IGDCC3: variants seen among roughly 807,000 people sequenced by gnomAD.
The protein encoded by IGDCC3 is immunoglobulin superfamily DCC subclass member 3.
In IGDCC3, 47 loss-of-function variants were observed where a neutral mutation model predicts 72.0. The ratio of observed to expected loss-of-function variants is 0.65; its 90% CI spans 0.52 to 0.83. The LOEUF is 0.83. Ranked by LOEUF, IGDCC3 falls within the 40% of genes least tolerant of loss-of-function variation. The pLI is 0.00. For missense variants in IGDCC3, 1,038 were observed against 1,091.3 expected (o/e 0.95, Z 0.69); for synonymous variants, 477 against 472.8 (o/e 1.01, Z -0.11).
Position 65,369,219 on chromosome 15 carries a change from C to A in IGDCC3, c.409+5878G>T, listed in dbSNP as rs11858296. ...AGGCAGAAATAGACTTGGAGGAGGC[C>A]CAGGGGAGGCAGGCACGTCTTGAAG... On this transcript the variant is annotated intron_variant, in intron 2 of 13. Transcript: ENST00000327987. Among the ~76,000 whole-genome samples the A allele has an allele frequency of 5.0e-3, 761 of 152,066 alleles. 11 individuals carry two copies. Among genetic ancestry groups the A allele is most frequent in the African/African-American group, 0.017 (699 of 41,454 alleles).
At chr15:65,334,652 G>A in intron 5 of IGDCC3, 76 bp downstream of exon 5, 1 of 1,272,244 alleles carries the variant, frequency 7.9e-7, no homozygotes, top group Non-Finnish European at 1.1e-6. Flanking sequence ...CTGGAGCTGG[G>A]TGAGGAGTCT....
intron 2 of IGDCC3, among the ~76,000 whole-genome samples, chr15:65,363,224 G>A (rs2091272014): frequency 6.6e-6 from 1 of 152,166 alleles, no homozygotes; most frequent in East Asian, 1.9e-4. Context: ...GTGGAAAGGG[G>A]TTAGGTTGGG....
At chr15:65,370,614 GTA>G (rs1241361752) in intron 2 of IGDCC3, among the ~76,000 whole-genome samples, 5 of 51,720 alleles carry the variant, frequency 9.7e-5, no homozygotes, top group East Asian at 8.5e-4. Flanking sequence ...GTATATATAT[GTA>G]TGTGTATATA....
In IGDCC3 at chr15:65,334,771, G is replaced by A. The variant is rs764957108; in HGVS notation, c.780C>T (p.Val260=). 9.3e-6 allele frequency: 15 copies of A among 1,605,756 alleles called. No individual in the cohort carries two copies. Among genetic ancestry groups the A allele is most frequent in the Admixed American group, 3.4e-5 (2 of 59,028 alleles). Residue 260 remains valine (V), a synonymous_variant, in exon 5 of 14, where the codon GTC becomes GTT. Transcript: ENST00000327987. ...TVHQTAVLEC[V]ATGNPRPIVS... ...CAATGGGGCGCGGGTTGCCCGTGGCGACACACTCAAGCACCGCGGTCTGGT... is the reference window on the plus strand; with the variant it reads ...CAATGGGGCGCGGGTTGCCCGTGGCAACACACTCAAGCACCGCGGTCTGGT...
intron 2 of IGDCC3, among the ~76,000 whole-genome samples, chr15:65,338,350 A>G (rs1280264361): frequency 6.6e-6 from 1 of 152,212 alleles, no homozygotes; most frequent in Non-Finnish European, 1.5e-5. Context: ...AAAACCATGA[A>G]TCTGAAGCTA....
At chr15:65,343,429 C>T (rs1009125184) in intron 2 of IGDCC3, among the ~76,000 whole-genome samples, 3 of 148,704 alleles carry the variant, frequency 2.0e-5, no homozygotes, top group Admixed American at 1.3e-4. Context: ...GTTGCGGGGG[C>T]GAGCAGCAGG....
At chr15:65,360,782 T>G (rs771188182) in intron 2 of IGDCC3, among the ~76,000 whole-genome samples, 9 of 152,140 alleles carry the variant, frequency 5.9e-5, no homozygotes, top group African/African-American at 2.2e-4. Flanking sequence ...TTTCTTTCTT[T>G]TCTTTTTTTC....
intron 3 of IGDCC3, 90 bp downstream of exon 3, chr15:65,335,722 A>T: frequency 6.9e-7 from 1 of 1,455,420 alleles, no homozygotes; most frequent in South Asian, 1.2e-5. Flanking sequence ...CACCAACTGC[A>T]GCTCCCAGAG....
intron 2 of IGDCC3, among the ~76,000 whole-genome samples, chr15:65,342,352 C>T (rs2140147688): frequency 6.6e-6 from 1 of 151,552 alleles, no homozygotes; most frequent in South Asian, 2.1e-4. Flanking sequence ...CGCCATTGCA[C>T]TCCAGCCTGG....
intron 2 of IGDCC3, among the ~76,000 whole-genome samples, chr15:65,356,848 C>CTTGTTTTTTTTTTT (rs2091225036): frequency 1.4e-5 from 1 of 70,898 alleles, no homozygotes; most frequent in Non-Finnish European, 2.6e-5. Flanking sequence ...AATGGACCTG[C>CTTGTTTTTTTTTTT]TTTTTTTTTT....
intron 2 of IGDCC3, among the ~76,000 whole-genome samples, chr15:65,340,507 C>G (rs1463454694): frequency 6.6e-6 from 1 of 152,214 alleles, no homozygotes; most frequent in Non-Finnish European, 1.5e-5. Context: ...AGAGGGGCAG[C>G]TGTGAACCAC....
chr15:65,330,232 C>G (rs2090963806), intron 11 of IGDCC3, 61 bp downstream of exon 11: 4 of 1,216,566 alleles, frequency 3.3e-6, no homozygotes, highest in Non-Finnish European at 4.8e-6. Context: ...CATGCTATCT[C>G]ACCCCATTAC....
chr15:65,330,715 G>T lies in IGDCC3; in HGVS notation c.1588C>A (p.Arg530=), dbSNP rs143782720. ...TGCAAGGAGGAGCTGCCCAGGACTC[G>T]CACTGACAGTGGGGGTGGGGCAGGG... The part of the protein sequence containing the change: ...EAPAPPPLSV[R]VLGSSSLQLL... Residue 530 remains arginine, a synonymous_variant, in exon 10 of 14, where the codon CGA becomes AGA. Transcript: ENST00000327987. 1 of 1,611,328 alleles carries T rather than the reference G, an allele frequency of 6.2e-7. No individual in the cohort carries two copies. The highest frequency in any genetic ancestry group is 1.7e-5 in the Admixed American group (1 of 59,524).
intron 2 of IGDCC3, chr15:65,355,678 C>CCCCAAA: frequency 3.3e-6 from 1 of 299,226 alleles, no homozygotes; most frequent in Non-Finnish European, 7.1e-6. Context: ...GCCCCTCCCG[C>CCCCAAA]ATAGCAATAG....
chr15:65,346,702 G>A (rs980373264), intron 2 of IGDCC3, among the ~76,000 whole-genome samples: 3 of 151,956 alleles, frequency 2.0e-5, no homozygotes, highest in Non-Finnish European at 4.4e-5. Flanking sequence ...CAGGTGATCC[G>A]CCTGCCTCGG....
chr15:65,366,207 C>CAAAAAAAA (rs35152855), intron 2 of IGDCC3, among the ~76,000 whole-genome samples: 2 of 76,780 alleles, frequency 2.6e-5, no homozygotes, highest in Non-Finnish European at 5.4e-5. Context: ...GACATTGTCT[C>CAAAAAAAA]AAAAAAAAAA....
In IGDCC3 at chr15:65,329,419, C is replaced by A. The variant is rs765853242; in HGVS notation, c.2176G>T (p.Ala726Ser). The change falls in exon 13 of 14, where the codon GCA becomes TCA. Residue 726 changes from alanine to serine, a missense_variant. Coordinates refer to ENST00000327987, the MANE Select transcript of IGDCC3 (RefSeq NM_004884.4). The surrounding 1 kb of genome is among the most constrained non-coding windows in gnomAD (Gnocchi z 4.1). ...GGTCTGGGGTCCGGCTGCCCTGCTG[C>A]GCTGGCCGGGGGGAACAGCTGCTCC... ...ELEQLFPPASAAGQPDPRPTQ... is the reference protein window; with the variant it reads ...ELEQLFPPASSAGQPDPRPTQ... 3.1e-6 allele frequency: 5 copies of A among 1,599,246 alleles called. No homozygotes were observed. In the South Asian group the frequency reaches 3.4e-5, roughly 11 times the overall value.
intron 2 of IGDCC3, among the ~76,000 whole-genome samples, chr15:65,338,649 T>A (rs1056012887): frequency 6.6e-6 from 1 of 152,182 alleles, no homozygotes; most frequent in Non-Finnish European, 1.5e-5. Context: ...CCCTTCCTTA[T>A]ACCCTCTCTC....
chr15:65,355,336 C>G lies in IGDCC3; in HGVS notation c.410-19380G>C, dbSNP rs548000926. Among the ~76,000 whole-genome samples, 317 of 152,306 alleles carry G rather than the reference C, an allele frequency of 2.1e-3. 2 individuals are homozygous for G. The highest frequency in any genetic ancestry group is 6.8e-3 in the African/African-American group (283 of 41,582). ...TTGTGTCAGACTCCCATCCCCCCCG[C>G]TCTTCTCCCTCCTTCCCCGCTCTGC... On this transcript the variant is annotated intron_variant, in intron 2 of 13. Coordinates refer to ENST00000327987, the MANE Select transcript of IGDCC3 (RefSeq NM_004884.4).
Sources: allele counts gnomAD v4.1 joint callset (sites outside exome capture counted in the v4.1 genomes callset), GRCh38; gene constraint gnomAD v4.1.1; non-coding constraint Gnocchi (gnomAD v3.1); transcripts MANE v1.5; gene names NCBI Gene and HGNC (gene_info 2026-07-23, HGNC 2026-07-21).